Variants in TRPM7 observed in about 807,000 individuals in gnomAD.
The protein encoded by TRPM7 is LTRPC ion channel family member 7.
In TRPM7, 134 loss-of-function variants were observed where a neutral mutation model predicts 229.7. The observed-to-expected ratio is 0.58, with a 90% CI of 0.51 to 0.67. TRPM7 has a LOEUF of 0.67. Among genes scored for constraint, TRPM7 ranks in the 30% least tolerant of loss-of-function variants. TRPM7 has a pLI of 0.00. For synonymous variants in TRPM7, 699 were observed against 715.2 expected (o/e 0.98, Z 0.36); for missense variants, 1,901 against 2,210.0 (o/e 0.86, Z 2.80).
At position 50,619,803 on chromosome 15, in the gene TRPM7, A is replaced by C. The variant is rs1274543888; in HGVS notation, c.1441-5T>G. The stretch of plus-strand genomic sequence containing the variant: ...TGGATTAGTTGGACCTTGTTTCTTT[A>C]GGGAGAAAAAGTTACAGCAAACTAT... On this transcript the variant is annotated splice_region_variant and splice_polypyrimidine_tract_variant and intron_variant, in intron 12 of 38. Coordinates refer to ENST00000646667, the MANE Select transcript of TRPM7 (RefSeq NM_017672.6). 1.9e-5 allele frequency: 30 copies of C among 1,596,918 alleles called. No individual in the cohort carries two copies. The highest frequency in any genetic ancestry group is 2.4e-5 in the Non-Finnish European group (28 of 1,175,274).
intron 31 of TRPM7, among the ~76,000 whole-genome samples, chr15:50,578,380 A>G (rs1027461050): frequency 1.3e-5 from 2 of 152,338 alleles, no homozygotes; most frequent in East Asian, 3.9e-4. Context: ...GGAATATTAG[A>G]AAAGGAGCAG....
intron 19 of TRPM7, among the ~76,000 whole-genome samples, chr15:50,608,212 C>T (rs1412078960): frequency 2.6e-5 from 4 of 152,084 alleles, no homozygotes; most frequent in Non-Finnish European, 4.4e-5. Flanking sequence ...AAGGAAACAG[C>T]CCACCTTTGA....
chr15:50,631,603 G>T (rs867917885), intron 9 of TRPM7, 114 bp from the exon 10 acceptor site: 24 of 553,772 alleles, frequency 4.3e-5, no homozygotes, highest in East Asian at 1.4e-4. Context: ...ATGTATCTAG[G>T]AATCTATGTA....
chr15:50,683,039 T>G (rs1210158920), intron 1 of TRPM7, among the ~76,000 whole-genome samples: 9 of 151,974 alleles, frequency 5.9e-5, no homozygotes, highest in African/African-American at 9.6e-5. Context: ...CGCATCACCA[T>G]GCCCAGCTAA....
chr15:50,572,482 C>G (rs1189026634), intron 36 of TRPM7, among the ~76,000 whole-genome samples: 2 of 152,170 alleles, frequency 1.3e-5, no homozygotes, highest in African/African-American at 4.8e-5. Context: ...GTTCTTCATA[C>G]ACAATGCTAT....
At chr15:50,653,283 C>G (rs1167778828) in intron 3 of TRPM7, among the ~76,000 whole-genome samples, 11 of 152,178 alleles carry the variant, frequency 7.2e-5, no homozygotes, top group Admixed American at 6.5e-5. Flanking sequence ...AGACCCCGTT[C>G]TCCACAAAAA....
rs17520273 is a variant in TRPM7 at position 50,600,939 on chromosome 15, G to C, written c.2989-1643C>G. ...CACGCTCCAAAATTCTTAATTGGGTGTTCTTATTTGCAAAATGGACAAATA... is the reference window on the plus strand; with the variant it reads ...CACGCTCCAAAATTCTTAATTGGGTCTTCTTATTTGCAAAATGGACAAATA... On this transcript the variant is annotated intron_variant, in intron 21 of 38. Coordinates refer to ENST00000646667, the MANE Select transcript of TRPM7 (RefSeq NM_017672.6). Among the ~76,000 whole-genome samples the C allele has an allele frequency of 4.8e-3, 724 of 152,270 alleles. 2 individuals carry two copies. The highest frequency in any genetic ancestry group is 7.3e-3 in the Non-Finnish European group (497 of 68,012).
At chr15:50,645,409 G>C (rs1246466214) in intron 4 of TRPM7, among the ~76,000 whole-genome samples, 1 of 152,056 alleles carries the variant, frequency 6.6e-6, no homozygotes, top group Non-Finnish European at 1.5e-5. Context: ...GCCCAGGCTG[G>C]AATGCCTCCC....
Position 50,632,919 on chromosome 15 carries a change from C to T in TRPM7, c.1081G>A (p.Ala361Thr), listed in dbSNP as rs1450943095. 2 of 1,600,712 alleles carry T rather than the reference C, an allele frequency of 1.2e-6. No individual in the cohort carries two copies. Among genetic ancestry groups the T allele is most frequent in the South Asian group, 1.1e-5 (1 of 88,990 alleles). ...KKTFNFGQNE[A>T]LHLFQTLMEC... Reference sequence around the variant, plus strand: ...ATCAGTGTTTGAAATAAATGAAGTGCTTCATTCTGGCCAAAGTTAAATGTT... The same window carrying T: ...ATCAGTGTTTGAAATAAATGAAGTGTTTCATTCTGGCCAAAGTTAAATGTT... Residue 361 changes from alanine to threonine, a missense_variant, in exon 9 of 39, where the codon GCA (alanine) becomes ACA (threonine). Around this residue, in one of 8 missense-constraint regions of TRPM7, gnomAD observed 794 missense variants for 881.9 expected, o/e 0.90. Transcript: ENST00000646667.
intron 10 of TRPM7, among the ~76,000 whole-genome samples, chr15:50,629,132 A>G (rs1236257801): frequency 1.3e-5 from 2 of 152,182 alleles, no homozygotes. Context: ...ATGATATTCT[A>G]GAAGTCAAAT....
At chr15:50,648,556 A>T in intron 4 of TRPM7, 131 bp downstream of exon 4, 1 of 636,746 alleles carries the variant, frequency 1.6e-6, no homozygotes, top group Non-Finnish European at 2.5e-6. Context: ...CTATATTTGT[A>T]TGCACCTTTG....
chr15:50,582,152 G>T (rs986407534), intron 29 of TRPM7, among the ~76,000 whole-genome samples: 3 of 151,948 alleles, frequency 2.0e-5, no homozygotes, highest in Non-Finnish European at 4.4e-5. Context: ...GTAGAGACAG[G>T]GTTTTGTCAG....
chr15:50,588,862 A>G (rs1257582948), intron 27 of TRPM7, among the ~76,000 whole-genome samples: 1 of 152,202 alleles, frequency 6.6e-6, no homozygotes. Flanking sequence ...TTTAACAAAC[A>G]TTTATCAAAT....
chr15:50,672,123 T>C (rs2062002698), intron 1 of TRPM7, among the ~76,000 whole-genome samples: 1 of 152,120 alleles, frequency 6.6e-6, no homozygotes, highest in African/African-American at 2.4e-5. Context: ...GGCATGATCT[T>C]GGCTCACTGC....
intron 7 of TRPM7, among the ~76,000 whole-genome samples, chr15:50,635,093 G>A (rs1214266299): frequency 1.3e-5 from 2 of 151,432 alleles, no homozygotes; most frequent in Non-Finnish European, 2.9e-5. Context: ...CAAGATGGAC[G>A]GATCACAAGG....
intron 28 of TRPM7, among the ~76,000 whole-genome samples, chr15:50,585,253 G>A (rs2054641242): frequency 6.6e-6 from 1 of 152,044 alleles, no homozygotes; most frequent in Admixed American, 6.6e-5. Context: ...AGTAGAGACG[G>A]GGTTTCACCT....
At position 50,591,958 on chromosome 15, in the gene TRPM7, C is replaced by A. The variant is rs1596124777; in HGVS notation, c.4277G>T (p.Cys1426Phe). 1 of 1,600,126 alleles carries A rather than the reference C, an allele frequency of 6.2e-7. No homozygotes were observed. The highest frequency in any genetic ancestry group is 8.5e-7 in the Non-Finnish European group (1 of 1,176,276). Residue 1426 changes from cysteine to phenylalanine, a missense_variant, in exon 26 of 39, where the codon TGC (cysteine) becomes TTC (phenylalanine). This residue lies in a region of TRPM7 where 533 missense variants were observed against 497.1 expected (regional missense o/e 1.07). Transcript: ENST00000646667. ...ETGTKDQETV[C>F]SKATEGDNTE... The stretch of plus-strand genomic sequence containing the variant: ...ATTATCTCCTTCTGTAGCTTTAGAG[C>A]AAACAGTTTCTTGATCTTTGGTTCC...
intron 33 of TRPM7, 78 bp from the exon 34 acceptor site, chr15:50,575,213 C>A: frequency 7.8e-7 from 1 of 1,286,270 alleles, no homozygotes; most frequent in South Asian, 1.6e-5. Context: ...AATTAGCAGG[C>A]ATCTTTGATT....
At position 50,561,421 on chromosome 15, in the gene TRPM7, A is replaced by C. The variant is rs1231690308; in HGVS notation, c.*257T>G. The C allele has an allele frequency of 8.0e-6, 3 of 373,772 alleles. No homozygotes were observed. The highest frequency in any genetic ancestry group is 1.4e-5 in the Non-Finnish European group (3 of 209,246). 23.2% of individuals were successfully genotyped at this position (373,772 alleles called of 1,614,324 possible). ...AGTCAAATGAGATCCTCTGCTATAC[A>C]AAGAGCCCTTTAAAAAGTTATAAAT... On this transcript the variant is annotated 3_prime_UTR_variant, in exon 39 of 39. Coordinates refer to ENST00000646667, the MANE Select transcript of TRPM7 (RefSeq NM_017672.6).
Sources: gnomAD v4.1 joint callset for allele counts (sites outside exome capture counted in the v4.1 genomes callset) on GRCh38, gnomAD v4.1.1 for gene constraint, gnomAD v4.1.1 regional missense constraint, MANE v1.5 for transcripts, NCBI Gene and HGNC (gene_info 2026-07-23, HGNC 2026-07-21) for gene names.